Variants in CLYBL observed in about 807,000 individuals in gnomAD.
CLYBL encodes citramalyl-CoA lyase, mitochondrial.
In CLYBL, 31 loss-of-function variants were observed where a neutral mutation model predicts 38.9. The ratio of observed to expected loss-of-function variants is 0.80; its 90% confidence interval spans 0.60 to 1.08. The LOEUF is 1.08. Ranked by LOEUF, CLYBL falls within the 50% of genes least tolerant of loss-of-function variation. The pLI is 0.00. For missense variants in CLYBL, 434 were observed against 411.6 expected, an observed-to-expected ratio of 1.05 and a Z score of -0.47; for synonymous variants, 171 against 158.6, an observed-to-expected ratio of 1.08 and a Z score of -0.59.
Position 99,714,611 on chromosome 13 carries a change from C to T in CLYBL, c.63-58213C>T, listed in dbSNP as rs148674207. 1.8e-4 allele frequency among the ~76,000 whole-genome samples: 27 copies of T among 150,616 alleles called. No individual in the cohort carries two copies. In the East Asian group the frequency reaches 2.0e-3, roughly 11 times the overall value. ...CCTCCTGGGTGACAGAGTGAGACTC[C>T]GTCTCAAAAATAAATAAATAAATAA... is the stretch of plus-strand genomic sequence containing the variant. On this transcript the variant is annotated intron_variant, in intron 1 of 8. Coordinates refer to ENST00000339105, the MANE Select transcript of CLYBL (RefSeq NM_206808.5).
At chr13:99,888,913 T>C (rs1473609508) in intron 7 of CLYBL, among the ~76,000 whole-genome samples, 1 of 152,136 alleles carries the variant, frequency 6.6e-6, no homozygotes, top group Non-Finnish European at 1.5e-5. Context: ...CCACCTAAAT[T>C]ATAGGTGGCT....
At chr13:99,606,822 G>C (rs936568957) in intron 1 of CLYBL, 65 bp downstream of exon 1, 2 of 1,306,274 alleles carry the variant, frequency 1.5e-6, no homozygotes, top group Admixed American at 8.4e-5. Flanking sequence ...TCCTGTTGCA[G>C]CCCCGCGGGC....
chr13:99,901,051 C>G (rs1411545846), downstream of CLYBL, among the ~76,000 whole-genome samples: 1 of 152,180 alleles, frequency 6.6e-6, no homozygotes, highest in Non-Finnish European at 1.5e-5. Flanking sequence ...GTCTGAATGG[C>G]TGGAAAATGT....
intron 2 of CLYBL, among the ~76,000 whole-genome samples, chr13:99,775,199 C>T (rs1023996659): frequency 1.4e-4 from 22 of 152,236 alleles, no homozygotes; most frequent in African/African-American, 5.1e-4. Flanking sequence ...TGAGGTTGTC[C>T]TCCAATACCC....
rs115374420 is a variant in CLYBL at position 99,675,193 on chromosome 13, G to A, written c.62+68436G>A. Among the ~76,000 whole-genome samples the A allele has an allele frequency of 4.5e-3, 681 of 152,252 alleles. 3 individuals are homozygous for A. Among genetic ancestry groups the A allele is most frequent in the African/African-American group, 0.015 (643 of 41,542 alleles). Reference sequence around the variant, plus strand: ...GGGCAGACAATATTTAAATGAAACCGTATTTGGAGCACTCATCAGGCTTTA... The same window carrying A: ...GGGCAGACAATATTTAAATGAAACCATATTTGGAGCACTCATCAGGCTTTA... On this transcript the variant is annotated intron_variant, in intron 1 of 8. Coordinates refer to ENST00000339105, the MANE Select transcript of CLYBL (RefSeq NM_206808.5).
At chr13:99,704,901 A>G (rs1456865865) in intron 1 of CLYBL, among the ~76,000 whole-genome samples, 1 of 151,794 alleles carries the variant, frequency 6.6e-6, no homozygotes, top group Non-Finnish European at 1.5e-5. Context: ...AAACTTAGAC[A>G]AAAAACAAGG....
chr13:99,867,208 T>C (rs1198539671), intron 6 of CLYBL, among the ~76,000 whole-genome samples: 3 of 152,156 alleles, frequency 2.0e-5, no homozygotes, highest in Non-Finnish European at 4.4e-5. Context: ...TGTTCTTCTG[T>C]TGTTGAAAGT....
chr13:99,782,578 T>C (rs888340160), intron 2 of CLYBL, among the ~76,000 whole-genome samples: 1 of 152,314 alleles, frequency 6.6e-6, no homozygotes, highest in African/African-American at 2.4e-5. Flanking sequence ...GACTATGTTC[T>C]CTAGAGTGCC....
At chr13:99,643,986 C>T (rs1250568584) in intron 1 of CLYBL, among the ~76,000 whole-genome samples, 1 of 104,458 alleles carries the variant, frequency 9.6e-6, no homozygotes, top group African/African-American at 4.1e-5. Context: ...GCCTGGGCGA[C>T]AGAACAAGAC....
At chr13:99,891,287 T>C (rs777574540) in intron 7 of CLYBL, 31 bp from the exon 8 acceptor site, 3 of 1,487,678 alleles carry the variant, frequency 2.0e-6, no homozygotes, top group South Asian at 2.3e-5. Context: ...TCGAGTATTC[T>C]TTCAGGAAGT....
At chr13:99,632,155 CAGAG>C (rs2046955229) in intron 1 of CLYBL, among the ~76,000 whole-genome samples, 1 of 152,118 alleles carries the variant, frequency 6.6e-6, no homozygotes, top group East Asian at 1.9e-4. Flanking sequence ...AGGGAAACCC[CAGAG>C]AGGAGGGAGC....
intron 1 of CLYBL, among the ~76,000 whole-genome samples, chr13:99,732,169 G>GT (rs35027014): frequency 0.1 from 9,087 of 90,842 alleles, 841 homozygotes; most frequent in African/African-American, 0.14. Context: ...TTATATGGCA[G>GT]TTTTTTTTTT....
intron 2 of CLYBL, among the ~76,000 whole-genome samples, chr13:99,801,545 T>A (rs1363406929): frequency 1.3e-5 from 2 of 152,208 alleles, no homozygotes; most frequent in Non-Finnish European, 2.9e-5. Context: ...CTCCTTGAAG[T>A]TAAATAGACT....
chr13:99,704,633 C>T (rs991468417), intron 1 of CLYBL, among the ~76,000 whole-genome samples: 4 of 152,146 alleles, frequency 2.6e-5, no homozygotes, highest in African/African-American at 7.2e-5. Flanking sequence ...GCCAGGTGCT[C>T]GACTGTGTAC....
downstream of CLYBL, among the ~76,000 whole-genome samples, chr13:99,901,653 T>TG (rs1435613906): frequency 2.7e-4 from 34 of 125,602 alleles, no homozygotes; most frequent in African/African-American, 1.1e-3. Context: ...TTGTTTTTTT[T>TG]TTTTGTTTGT....
chr13:99,833,004 A>G (rs1455788177), intron 2 of CLYBL, among the ~76,000 whole-genome samples: 1 of 49,070 alleles, frequency 2.0e-5, no homozygotes, highest in African/African-American at 6.8e-5. Flanking sequence ...ACATACATAC[A>G]TACATATATA....
At chr13:99,778,231 C>G (rs2049563224) in intron 2 of CLYBL, among the ~76,000 whole-genome samples, 1 of 152,160 alleles carries the variant, frequency 6.6e-6, no homozygotes, top group Admixed American at 6.5e-5. Flanking sequence ...TTCTCAAAGT[C>G]ACCTCTTAAT....
chr13:99,620,829 A>G (rs1368221539), intron 1 of CLYBL, among the ~76,000 whole-genome samples: 1 of 119,670 alleles, frequency 8.4e-6, no homozygotes, highest in Non-Finnish European at 1.8e-5. Flanking sequence ...AGAGAGAAAG[A>G]AAGAAAGAAA....
At chr13:99,617,967 C>A (rs1396562099) in intron 1 of CLYBL, among the ~76,000 whole-genome samples, 2 of 152,196 alleles carry the variant, frequency 1.3e-5, no homozygotes, top group Non-Finnish European at 2.9e-5. Flanking sequence ...TCTGCACTAC[C>A]CTGTCCCCTT....
Sources: allele counts gnomAD v4.1 joint callset (sites outside exome capture counted in the v4.1 genomes callset), GRCh38; gene constraint gnomAD v4.1.1; transcripts MANE v1.5; gene names NCBI Gene and HGNC (gene_info 2026-07-23, HGNC 2026-07-21).